Variants in SLC5A12 observed in about 807,000 individuals in gnomAD.
The protein encoded by SLC5A12 is solute carrier family 5 member 12.
SLC5A12 carries 46 observed loss-of-function variants against 72.7 expected under a neutral mutation model. The ratio of observed to expected loss-of-function variants is 0.63; its 90% CI spans 0.50 to 0.81. SLC5A12 has a LOEUF of 0.81. Among genes scored for constraint, SLC5A12 ranks in the 30% least tolerant of loss-of-function variants. The probability of loss-of-function intolerance (pLI) is 0.00; values close to 1 mark genes in which losing one functional copy is unlikely to be tolerated. For synonymous variants in SLC5A12, 275 were observed against 264.4 expected (o/e 1.04, Z -0.39); for missense variants, 683 against 740.7 (o/e 0.92, Z 0.90).
At chr11:26,693,062 G>A (rs1330186494) in intron 8 of SLC5A12, among the ~76,000 whole-genome samples, 1 of 152,146 alleles carries the variant, frequency 6.6e-6, no homozygotes, top group Non-Finnish European at 1.5e-5. Flanking sequence ...GCATACAATG[G>A]TGAACCAGAA....
intron 14 of SLC5A12, among the ~76,000 whole-genome samples, chr11:26,671,577 T>C (rs969828666): frequency 6.6e-6 from 1 of 152,114 alleles, no homozygotes; most frequent in Non-Finnish European, 1.5e-5. Context: ...AACATACCTG[T>C]ATCTCATATG....
At chr11:26,686,707 A>C (rs1396281162) in intron 9 of SLC5A12, among the ~76,000 whole-genome samples, 163 bp from the exon 10 acceptor site, 1 of 152,178 alleles carries the variant, frequency 6.6e-6, no homozygotes, top group African/African-American at 2.4e-5. Context: ...CAAGAGAGGC[A>C]CTTAGGAAGT....
At chr11:26,723,038 C>A (rs531177184), upstream of SLC5A12, among the ~76,000 whole-genome samples, 2 of 139,948 alleles carry the variant, frequency 1.4e-5, no homozygotes, top group African/African-American at 6.3e-5. Flanking sequence ...GTTCAAATGA[C>A]ATTTCCTTGA....
chr11:26,711,630 C>T (rs1398323396), intron 2 of SLC5A12, among the ~76,000 whole-genome samples: 4 of 151,998 alleles, frequency 2.6e-5, no homozygotes, highest in South Asian at 4.1e-4. Flanking sequence ...CTAAGGGATA[C>T]AAAAATAGAC....
Position 26,703,917 on chromosome 11 carries a change from C to T in SLC5A12, c.556G>A (p.Ala186Thr), listed in dbSNP as rs1452005055. 6.2e-7 allele frequency: 1 copy of T among 1,613,842 alleles called. No individual in the cohort carries two copies. Among genetic ancestry groups the T allele is most frequent in the South Asian group, 1.1e-5 (1 of 91,074 alleles). ...ACAATCATGACAACCATCTGAAATG[C>T]ATCTGTCCACACCACTGCTTTTAAT... ...GGLKAVVWTD[A>T]FQMVVMIVGF... is the part of the protein sequence containing the mutation. Residue 186 changes from alanine (A) to threonine (T), a missense_variant, in exon 5 of 15, where the codon GCA becomes ACA. Physicochemically the swap from Ala to Thr is moderately conservative, Grantham distance 58 (BLOSUM62 0). Transcript: ENST00000396005.
intron 4 of SLC5A12, among the ~76,000 whole-genome samples, chr11:26,706,834 A>G (rs556150470): frequency 6.7e-6 from 1 of 150,156 alleles, no homozygotes; most frequent in Non-Finnish European, 1.5e-5. Flanking sequence ...TATATTTTGT[A>G]TTTTAAATTG....
At chr11:26,715,363 G>C (rs967010257) in intron 1 of SLC5A12, among the ~76,000 whole-genome samples, 1 of 152,080 alleles carries the variant, frequency 6.6e-6, no homozygotes, top group African/African-American at 2.4e-5. Flanking sequence ...GTTATCATTG[G>C]CACTCAGCCA....
At chr11:26,720,345 A>ATAAG (rs1855449836) in intron 1 of SLC5A12, among the ~76,000 whole-genome samples, 2 of 150,492 alleles carry the variant, frequency 1.3e-5, no homozygotes, top group Admixed American at 1.3e-4. Context: ...AAATAAATAA[A>ATAAG]TAAATAAGTA....
intron 4 of SLC5A12, among the ~76,000 whole-genome samples, chr11:26,705,925 T>TACACACAC (rs71047876): frequency 3.1e-5 from 4 of 129,716 alleles, no homozygotes; most frequent in South Asian, 3.0e-4. Context: ...TTCTCTGTCA[T>TACACACAC]ACACACACAC....
At chr11:26,717,530 A>G (rs1855378713) in intron 1 of SLC5A12, among the ~76,000 whole-genome samples, 1 of 152,220 alleles carries the variant, frequency 6.6e-6, no homozygotes, top group Non-Finnish European at 1.5e-5. Flanking sequence ...GAGGGTGAGA[A>G]GAATTCCCTA....
intron 1 of SLC5A12, among the ~76,000 whole-genome samples, chr11:26,719,858 A>G (rs578131495): frequency 6.6e-6 from 1 of 152,286 alleles, no homozygotes; most frequent in Non-Finnish European, 1.5e-5. Context: ...CAGCATAGTT[A>G]TTTAGCATAT....
chr11:26,707,851 A>G (rs1370553409), intron 4 of SLC5A12, among the ~76,000 whole-genome samples: 1 of 151,956 alleles, frequency 6.6e-6, no homozygotes, highest in Non-Finnish European at 1.5e-5. Context: ...TAAATATCTT[A>G]TAGTCTTCAG....
Position 26,673,500 on chromosome 11 carries a change from G to C in SLC5A12, c.1609C>G (p.Leu537Val). 1 of 1,610,992 alleles carries C rather than the reference G, an allele frequency of 6.2e-7. No individual in the cohort carries two copies. Among genetic ancestry groups the C allele is most frequent in the Non-Finnish European group, 8.5e-7 (1 of 1,178,548 alleles). Reference sequence around the variant, plus strand: ...AAATTACAAACTGGTCTAATTAACAGTGGTTGAATATCCTCACCTCTTTGG... The same window carrying C: ...AAATTACAAACTGGTCTAATTAACACTGGTTGAATATCCTCACCTCTTTGG... ...GRQRGEDIQP[L>V]LIRPVCNLFC... The change falls in exon 14 of 15, where the codon CTG becomes GTG. Residue 537 changes from leucine to valine, a missense_variant. Transcript: ENST00000396005.
intron 1 of SLC5A12, among the ~76,000 whole-genome samples, chr11:26,720,009 T>G (rs1158216604): frequency 1.3e-5 from 2 of 152,172 alleles, no homozygotes; most frequent in Non-Finnish European, 2.9e-5. Context: ...AAAGATTGTT[T>G]TAAGGCCAAA....
intron 9 of SLC5A12, chr11:26,691,951 T>A (rs1467877395): frequency 6.6e-6 from 1 of 152,196 alleles, no homozygotes; most frequent in Non-Finnish European, 1.5e-5. Flanking sequence ...AAGCACAACA[T>A]CTTCCCATGT....
At chr11:26,721,327 CAA>C (rs991357809) in intron 1 of SLC5A12, 47 bp downstream of exon 1, 23 of 1,420,894 alleles carry the variant, frequency 1.6e-5, no homozygotes, top group Non-Finnish European at 2.0e-5. Context: ...GTGCTATCAT[CAA>C]GAGGATGAGA....
chr11:26,721,371 C>T lies in SLC5A12; in HGVS notation c.339+5G>A. ...AATTAGAGAAGAATGGAGAAATCAT[C>T]TTACCTCATAAGTGCTGGTGATACC... On this transcript the variant is annotated splice_donor_5th_base_variant and intron_variant, in intron 1 of 14. Transcript: ENST00000396005. The T allele has an allele frequency of 6.3e-7, 1 of 1,577,916 alleles. No homozygotes were observed. The highest frequency in any genetic ancestry group is 8.6e-7 in the Non-Finnish European group (1 of 1,162,286).
chr11:26,686,291 A>C, intron 10 of SLC5A12, among the ~76,000 whole-genome samples, 186 bp downstream of exon 10: 1 of 46,702 alleles, frequency 2.1e-5, no homozygotes, highest in East Asian at 9.6e-4. Context: ...TCTCTTTCTG[A>C]AAAGATAAGT....
At chr11:26,695,496 C>T (rs1010779206) in intron 8 of SLC5A12, among the ~76,000 whole-genome samples, 3 of 152,014 alleles carry the variant, frequency 2.0e-5, no homozygotes, top group African/African-American at 7.2e-5. Flanking sequence ...TTTATAATCA[C>T]AGAATGGAGA....
Sources: allele counts gnomAD v4.1 joint callset (sites outside exome capture counted in the v4.1 genomes callset), GRCh38; gene constraint gnomAD v4.1.1; transcripts MANE v1.5; gene names NCBI Gene and HGNC (gene_info 2026-07-23, HGNC 2026-07-21).